The following TMEM131 variants were observed in gnomAD, a reference collection of about 807,000 sequenced individuals.
The protein encoded by TMEM131 is 2610524E03Rik.
Under a neutral mutation model 211.6 loss-of-function variants are expected in TMEM131, and 66 were observed. The observed-to-expected ratio is 0.31, with a 90% CI of 0.26 to 0.38. The LOEUF (loss-of-function observed/expected upper bound fraction) is 0.38, where lower values mean the gene tolerates loss of function less well. TMEM131 is among the 10% of genes least tolerant of loss of function. The probability of loss-of-function intolerance (pLI) is 1.00; values close to 1 mark genes in which losing one functional copy is unlikely to be tolerated. For missense variants in TMEM131, 2,036 were observed against 2,299.3 expected, an observed-to-expected ratio of 0.89 and a Z score of 2.34; for synonymous variants, 844 against 841.3, an observed-to-expected ratio of 1.00 and a Z score of -0.06.
chr2:97,801,658 C>T (rs1033866739), intron 25 of TMEM131, among the ~76,000 whole-genome samples: 4 of 152,132 alleles, frequency 2.6e-5, no homozygotes, highest in African/African-American at 9.7e-5. Context: ...CCTTCATGGG[C>T]TTAATGTTTA....
At chr2:97,842,601 C>A (rs575384657) in intron 6 of TMEM131, among the ~76,000 whole-genome samples, 1 of 151,754 alleles carries the variant, frequency 6.6e-6, no homozygotes, top group Non-Finnish European at 1.5e-5. Flanking sequence ...AATGTGTAAT[C>A]CAGTGAGAGT....
intron 33 of TMEM131, among the ~76,000 whole-genome samples, chr2:97,769,742 C>G (rs963964679): frequency 6.6e-6 from 1 of 152,234 alleles, no homozygotes; most frequent in Non-Finnish European, 1.5e-5. Context: ...GCCCTGGGCC[C>G]TTCCTGGTTC....
At chr2:97,857,968 C>T (rs1385524135) in intron 5 of TMEM131, among the ~76,000 whole-genome samples, 1 of 152,058 alleles carries the variant, frequency 6.6e-6, no homozygotes, top group Non-Finnish European at 1.5e-5. Context: ...GGGATATTTC[C>T]ACAAAGATCC....
chr2:97,903,953 G>A (rs1028916211), intron 3 of TMEM131, among the ~76,000 whole-genome samples: 6 of 152,014 alleles, frequency 3.9e-5, no homozygotes, highest in African/African-American at 1.4e-4. Flanking sequence ...GTGAGCCACC[G>A]TGCCCAGGCC....
intron 1 of TMEM131, among the ~76,000 whole-genome samples, chr2:97,940,060 A>G (rs1382449811): frequency 1.3e-5 from 2 of 152,238 alleles, no homozygotes; most frequent in African/African-American, 4.8e-5. Context: ...ACCCACAGCC[A>G]GTATCATACC....
At chr2:97,913,399 G>C (rs1453828150) in intron 2 of TMEM131, among the ~76,000 whole-genome samples, 1 of 152,144 alleles carries the variant, frequency 6.6e-6, no homozygotes, top group East Asian at 1.9e-4. Flanking sequence ...AGTGGTCCTT[G>C]CAGTTCTTAA....
chr2:97,814,105 T>C lies in TMEM131; in HGVS notation c.1483A>G (p.Asn495Asp), dbSNP rs1275744727. Reference protein sequence around the residue: ...NFSKPVLILPNESGYIFTLLF... With the variant: ...NFSKPVLILPDESGYIFTLLF... ...AGGGTAAAAATGTATCCTGATTCAT[T>C]AGGAAGAATTAAGACTGGTTTGCTG... Residue 495 changes from asparagine to aspartate, a missense_variant, in exon 15 of 41, where the codon AAT becomes GAT. This residue lies in a region of TMEM131 where 1,623 missense variants were observed against 1,805.9 expected (regional missense o/e 0.90). Coordinates refer to ENST00000186436, the MANE Select transcript of TMEM131 (RefSeq NM_015348.2). The C allele has an allele frequency of 2.5e-6, 4 of 1,609,236 alleles. No individual in the cohort carries two copies. The highest frequency in any genetic ancestry group is 1.3e-5 in the African/African-American group (1 of 74,872).
At chr2:97,841,767 A>G in intron 7 of TMEM131, 48 bp downstream of exon 7, 2 of 1,522,836 alleles carry the variant, frequency 1.3e-6, no homozygotes, top group South Asian at 1.3e-5. Flanking sequence ...GCTAAGCATT[A>G]ATTCCCACCA....
chr2:97,936,806 A>ATT lies in TMEM131; in HGVS notation c.188-9321_188-9320dup, dbSNP rs529302869. Among the ~76,000 whole-genome samples the ATT allele has an allele frequency of 1.2e-3, 184 of 152,338 alleles. 1 individual carries two copies. Among genetic ancestry groups the ATT allele is most frequent in the African/African-American group, 4.2e-3 (176 of 41,572 alleles). ...AAAAAAGTATAAAGGGACAAAAAGT[A>ATT]TTTAATAGAAACTGCCCTTGAGAAA... On this transcript the variant is annotated intron_variant, in intron 1 of 40. Coordinates refer to ENST00000186436, the MANE Select transcript of TMEM131 (RefSeq NM_015348.2).
intron 4 of TMEM131, among the ~76,000 whole-genome samples, chr2:97,882,775 C>T (rs1674989827): frequency 6.6e-6 from 1 of 152,104 alleles, no homozygotes; most frequent in African/African-American, 2.4e-5. Context: ...CTGATTGAAC[C>T]CTTACACATG....
chr2:97,935,232 ATGAAAGCCACAATATCAGGATGGTG>A (rs753830047), intron 1 of TMEM131, among the ~76,000 whole-genome samples: 13 of 152,196 alleles, frequency 8.5e-5, no homozygotes, highest in Admixed American at 2.6e-4. Flanking sequence ...GGAAATGGTA[ATGAAAGCCACAATATCAGGATGGTG>A]AAAATGAAAT....
intron 1 of TMEM131, among the ~76,000 whole-genome samples, chr2:97,991,658 G>A (rs1680271557): frequency 6.6e-6 from 1 of 152,120 alleles, no homozygotes; most frequent in Admixed American, 6.5e-5. Context: ...CAGAGTCACC[G>A]AAACAATGCC....
chr2:97,934,208 A>G (rs1677347058), intron 1 of TMEM131, among the ~76,000 whole-genome samples: 1 of 152,192 alleles, frequency 6.6e-6, no homozygotes, highest in Non-Finnish European at 1.5e-5. Flanking sequence ...AATCCAGTAC[A>G]TTTCTATATA....
chr2:97,811,105 A>G (rs1681528307), intron 18 of TMEM131, 23 bp downstream of exon 18: 1 of 1,536,090 alleles, frequency 6.5e-7, no homozygotes, highest in Non-Finnish European at 9.0e-7. Context: ...CCCCACTGCC[A>G]TGAATCCCCA....
chr2:97,853,951 A>G (rs181213281), intron 5 of TMEM131, among the ~76,000 whole-genome samples: 344 of 152,370 alleles, frequency 2.3e-3, no homozygotes, highest in African/African-American at 7.9e-3. Flanking sequence ...AACTTAGAAT[A>G]CTACATAAAC....
intron 1 of TMEM131, among the ~76,000 whole-genome samples, chr2:97,988,298 TA>T (rs993674048): frequency 2.0e-5 from 3 of 152,028 alleles, no homozygotes; most frequent in South Asian, 2.1e-4. Context: ...ACACCATAAA[TA>T]AAAGTTAACT....
chr2:97,822,191 G>A (rs564572522), intron 11 of TMEM131, among the ~76,000 whole-genome samples: 22 of 152,116 alleles, frequency 1.4e-4, no homozygotes, highest in African/African-American at 4.8e-4. Flanking sequence ...TAAACTCCAG[G>A]ACTCTATTCC....
chr2:97,838,227 A>T (rs1045531192), intron 7 of TMEM131, among the ~76,000 whole-genome samples: 1 of 152,030 alleles, frequency 6.6e-6, no homozygotes, highest in African/African-American at 2.4e-5. Context: ...ATATACACAA[A>T]ATGGGTCACA....
At chr2:97,759,567 T>C in intron 39 of TMEM131, 85 bp downstream of exon 39, 1 of 1,163,912 alleles carries the variant, frequency 8.6e-7, no homozygotes, top group Non-Finnish European at 1.3e-6. Flanking sequence ...TGCTGTGCTG[T>C]GTTCTCCAGC....
Sources: gnomAD v4.1 joint callset for allele counts (sites outside exome capture counted in the v4.1 genomes callset) on GRCh38, gnomAD v4.1.1 for gene constraint, gnomAD v4.1.1 regional missense constraint, MANE v1.5 for transcripts, NCBI Gene and HGNC (gene_info 2026-07-23, HGNC 2026-07-21) for gene names.